AATK: variants seen among roughly 807,000 people sequenced by gnomAD.
AATK encodes lemur tail kinase 1, also known as serine/threonine-protein kinase LMTK1.
In AATK, 91 loss-of-function variants were observed where a neutral mutation model predicts 114.3. The observed-to-expected ratio is 0.80, with a 90% CI of 0.67 to 0.95. AATK has a LOEUF of 0.95. Among genes scored for constraint, AATK ranks in the 40% least tolerant of loss-of-function variants. AATK has a pLI of 0.00. For missense variants in AATK, 2,176 were observed against 1,965.2 expected (o/e 1.11, Z -2.03); for synonymous variants, 1,075 against 916.5 (o/e 1.17, Z -3.12).
At chr17:81,164,117 A>T (rs1444498570) in intron 1 of AATK, among the ~76,000 whole-genome samples, 1 of 152,192 alleles carries the variant, frequency 6.6e-6, no homozygotes, top group Admixed American at 6.5e-5. Context: ...CCAAGTGCTC[A>T]CCAAGCACTG....
intron 6 of AATK, 78 bp downstream of exon 6, chr17:81,127,505 G>T: frequency 1.4e-6 from 2 of 1,401,694 alleles, no homozygotes; most frequent in Non-Finnish European, 2.0e-6. Flanking sequence ...CAAGGAGGGG[G>T]TGGCACCAGA....
intron 12 of AATK, 135 bp from the exon 13 acceptor site, chr17:81,119,715 GC>G (rs1436200200): frequency 1.1e-6 from 1 of 928,802 alleles, no homozygotes; most frequent in Non-Finnish European, 1.4e-6. Flanking sequence ...GATGTCACGG[GC>G]CCAGGCCCCG....
intron 1 of AATK, among the ~76,000 whole-genome samples, chr17:81,138,838 C>A (rs1404811395): frequency 9.9e-5 from 15 of 151,274 alleles, no homozygotes; most frequent in African/African-American, 1.5e-4. Flanking sequence ...GCACACACAC[C>A]CCCACGCGTG....
chr17:81,129,988 T>TGGGGGCC (rs1010219550), intron 3 of AATK, among the ~76,000 whole-genome samples: 2 of 152,204 alleles, frequency 1.3e-5, no homozygotes, highest in Admixed American at 1.3e-4. Flanking sequence ...AGCTGGGGGC[T>TGGGGGCC]GGGGGCCCTC....
intron 1 of AATK, among the ~76,000 whole-genome samples, chr17:81,142,401 T>C (rs1050520204): frequency 6.6e-6 from 1 of 152,006 alleles, no homozygotes; most frequent in African/African-American, 2.4e-5. Flanking sequence ...GCCTCCCAAG[T>C]AGCTGAGACC....
At chr17:81,125,626 T>C (rs971809931) in intron 7 of AATK, among the ~76,000 whole-genome samples, 1 of 152,154 alleles carries the variant, frequency 6.6e-6, no homozygotes, top group African/African-American at 2.4e-5. Flanking sequence ...CCTGCCTGGC[T>C]GGTCACGTGG....
chr17:81,124,764 G>A lies in AATK; in HGVS notation c.925C>T (p.Leu309=), dbSNP rs563432281. The A allele has an allele frequency of 1.2e-6, 2 of 1,612,920 alleles. No homozygotes were observed. The highest frequency in any genetic ancestry group is 1.7e-5 in the Admixed American group (1 of 60,028). Residue 309 remains leucine, a synonymous_variant, in exon 9 of 14, where the codon CTG becomes TTG. Transcript: ENST00000326724. ...PELVDEVHSN[L]LVVDQTKSGN... ...CTCTTGGTCTGGTCCACGACGAGCAGGTTGCTATGCACCTCGTCCACCAGC... is the reference window on the plus strand; with the variant it reads ...CTCTTGGTCTGGTCCACGACGAGCAAGTTGCTATGCACCTCGTCCACCAGC...
rs950770133 is a variant in AATK, at chr17:81,118,153, G to GC, written c.*248dup. Reference sequence around the variant, plus strand: ...ACAGACACCCACTGTGGCTCCAGGCGCCCCCAGGGGCTAGCAGCAAGCCTA... The same window carrying GC: ...ACAGACACCCACTGTGGCTCCAGGCGCCCCCCAGGGGCTAGCAGCAAGCCTA... On this transcript the variant is annotated 3_prime_UTR_variant, in exon 14 of 14. Transcript: ENST00000326724. 1.1e-5 allele frequency: 6 copies of GC among 537,638 alleles called. No homozygotes were observed. In the African/African-American group the frequency reaches 1.1e-4, roughly 10 times the overall value. 33.3% of individuals were successfully genotyped at this position (537,638 alleles called of 1,614,324 possible).
At chr17:81,130,324 G>A (rs564032710) in intron 3 of AATK, among the ~76,000 whole-genome samples, 22 of 152,260 alleles carry the variant, frequency 1.4e-4, no homozygotes, top group Non-Finnish European at 2.5e-4. Context: ...GGAGGGACCC[G>A]CACCCACCAC....
Position 81,124,712 on chromosome 17 carries a change from C to A in AATK, c.962+15G>T. 6.2e-7 allele frequency: 1 copy of A among 1,610,756 alleles called. No homozygotes were observed. The highest frequency in any genetic ancestry group is 1.1e-5 in the South Asian group (1 of 90,984). ...CGGCCTCGGCCCCTCACGGTGCCAC[C>A]AGGGCCGCACTCACCACACATTCCC... On this transcript the variant is annotated intron_variant, in intron 9 of 13. Transcript: ENST00000326724.
At chr17:81,165,510 T>C (rs2146434414) in intron 1 of AATK, 1 of 631,294 alleles carries the variant, frequency 1.6e-6, no homozygotes, top group Non-Finnish European at 2.4e-6. Flanking sequence ...GCTCTGAGAA[T>C]CGCTCCCAGC....
In AATK at chr17:81,121,119, A is replaced by G. The variant is rs1169655324; in HGVS notation, c.2817T>C (p.Tyr939=). 1.0e-5 allele frequency: 16 copies of G among 1,605,394 alleles called. No homozygotes were observed. Among genetic ancestry groups the G allele is most frequent in the Non-Finnish European group, 1.3e-5 (15 of 1,176,770 alleles). Residue 939 remains tyrosine (Y), a synonymous_variant, in exon 11 of 14, where the codon TAT becomes TAC. Transcript: ENST00000326724. ...GGQPRALDSG[Y]DTENYESPEF... The stretch of plus-strand genomic sequence containing the variant: ...CAGGGGACTCATAGTTCTCGGTGTC[A>G]TAGCCACTGTCCAGCGCTCGCGGCT...
chr17:81,148,860 C>G (rs1446024134), intron 1 of AATK, among the ~76,000 whole-genome samples: 3 of 152,208 alleles, frequency 2.0e-5, no homozygotes, highest in African/African-American at 7.2e-5. Context: ...CTGCTCTGAG[C>G]CAGCGGGGCC....
At chr17:81,139,268 C>A (rs990126204) in intron 1 of AATK, among the ~76,000 whole-genome samples, 14 of 152,312 alleles carry the variant, frequency 9.2e-5, no homozygotes, top group African/African-American at 3.1e-4. Flanking sequence ...CCACAAGCCA[C>A]GTGGGAGGCC....
chr17:81,128,143 CCT>C (rs35548893), intron 4 of AATK, among the ~76,000 whole-genome samples: 65,826 of 150,390 alleles, frequency 0.44, 14,994 homozygotes, highest in African/African-American at 0.58. Flanking sequence ...CCCCCGCTGC[CCT>C]CTCTCTCTCT....
intron 1 of AATK, chr17:81,136,292 C>G (rs964578202): frequency 7.2e-5 from 11 of 152,314 alleles, no homozygotes; most frequent in African/African-American, 2.4e-4. Flanking sequence ...GGGCCAGGAT[C>G]TGGCCTCCTG....
chr17:81,143,098 A>T (rs936871580), intron 1 of AATK, among the ~76,000 whole-genome samples: 5 of 152,198 alleles, frequency 3.3e-5, no homozygotes, highest in African/African-American at 4.8e-5. Context: ...TTGCCGGCAC[A>T]CGGCCTTCCC....
intron 1 of AATK, chr17:81,165,462 C>T (rs960621852): frequency 1.3e-5 from 5 of 387,744 alleles, no homozygotes; most frequent in South Asian, 2.1e-5. Context: ...GCCCCTGCTC[C>T]CCCCACATCC....
rs1325460457 is a variant in AATK at position 81,120,615 on chromosome 17, C to T, written c.3321G>A (p.Pro1107=). 3.9e-6 allele frequency: 6 copies of T among 1,550,762 alleles called. No homozygotes were observed. The highest frequency in any genetic ancestry group is 4.6e-5 in the East Asian group (2 of 43,122). The change falls in exon 11 of 14, where the codon CCG becomes CCA. Residue 1107 remains proline (P), a synonymous_variant. Transcript: ENST00000326724. ...CAGAGCTGTTGCCTTCTGATCTCAG[C>T]GGAACCGGGGTCAGCAGGAAAAACT... ...CSQFFLLTPV[P]LRSEGNSSEF...
Sources: allele counts gnomAD v4.1 joint callset (sites outside exome capture counted in the v4.1 genomes callset), GRCh38; gene constraint gnomAD v4.1.1; transcripts MANE v1.5; gene names NCBI Gene and HGNC (gene_info 2026-07-23, HGNC 2026-07-21).